Variants in CDKAL1 observed in about 807,000 individuals in gnomAD.
CDKAL1 encodes the protein threonylcarbamoyladenosine tRNA methylthiotransferase.
Under a neutral mutation model 68.2 loss-of-function variants are expected in CDKAL1, and 32 were observed. The observed-to-expected ratio is 0.47, with a 90% CI of 0.35 to 0.63. The LOEUF (loss-of-function observed/expected upper bound fraction) is 0.63. Ranked by LOEUF, CDKAL1 falls within the 30% of genes least tolerant of loss-of-function variation. The pLI is 0.00. For missense variants in CDKAL1, 606 were observed against 696.7 expected, an observed-to-expected ratio of 0.87 and a Z score of 1.47; for synonymous variants, 234 against 244.3, an observed-to-expected ratio of 0.96 and a Z score of 0.39.
chr6:20,995,268 A>G (rs1767040758), intron 10 of CDKAL1, among the ~76,000 whole-genome samples: 1 of 152,176 alleles, frequency 6.6e-6, no homozygotes, highest in African/African-American at 2.4e-5. Context: ...TTATATTGAT[A>G]TTTTGTTCTC....
chr6:20,719,657 TAAA>T (rs539665768), intron 5 of CDKAL1, among the ~76,000 whole-genome samples: 1 of 152,260 alleles, frequency 6.6e-6, no homozygotes, highest in East Asian at 1.9e-4. Flanking sequence ...TAAAATACAA[TAAA>T]AAATTTAAAA....
chr6:20,988,615 G>T (rs1206690875), intron 10 of CDKAL1, among the ~76,000 whole-genome samples: 2 of 151,922 alleles, frequency 1.3e-5, no homozygotes, highest in African/African-American at 4.8e-5. Context: ...GGGGAAAAGA[G>T]ACTGAGAGAA....
rs58019786 is a variant in CDKAL1, at chr6:20,754,014, C to T, written c.469-4581C>T. On this transcript the variant is annotated intron_variant, in intron 6 of 15. Transcript: ENST00000274695. Reference sequence around the variant, plus strand: ...GTATTTTAAGAGACAGGGTCTCACTCTGTCACCTACGCTGGAGTCCAGTGG... The same window carrying T: ...GTATTTTAAGAGACAGGGTCTCACTTTGTCACCTACGCTGGAGTCCAGTGG... 8.4e-3 allele frequency among the ~76,000 whole-genome samples: 1,272 copies of T among 151,514 alleles called. 14 individuals carry two copies. Among genetic ancestry groups the T allele is most frequent in the African/African-American group, 0.028 (1,166 of 41,388 alleles).
intron 8 of CDKAL1, among the ~76,000 whole-genome samples, chr6:20,787,802 A>G (rs943661652): frequency 6.6e-6 from 1 of 152,182 alleles, no homozygotes; most frequent in Non-Finnish European, 1.5e-5. Context: ...GTACACAAAT[A>G]GAGACTTTTA....
rs948859624 is a variant in CDKAL1 at position 21,202,133 on chromosome 6, G to A, written c.1548+859G>A. ...ACCGCTTCACTCTGGCAATAGTACC[G>A]CTTCACTCTGGCAATAGCAACAAAG... On this transcript the variant is annotated intron_variant, in intron 15 of 15. Coordinates refer to ENST00000274695, the MANE Select transcript of CDKAL1 (RefSeq NM_017774.3). 1.6e-4 allele frequency among the ~76,000 whole-genome samples: 25 copies of A among 152,082 alleles called. 1 individual carries two copies. The highest frequency in any genetic ancestry group is 6.2e-4 in the South Asian group (3 of 4,826).
At chr6:20,889,450 C>T (rs1352995742) in intron 9 of CDKAL1, among the ~76,000 whole-genome samples, 1 of 151,982 alleles carries the variant, frequency 6.6e-6, no homozygotes, top group Non-Finnish European at 1.5e-5. Context: ...CTTGCCCATG[C>T]CTATGTCCTG....
intron 5 of CDKAL1, among the ~76,000 whole-genome samples, chr6:20,666,133 G>C (rs1169125157): frequency 6.6e-6 from 1 of 151,982 alleles, no homozygotes; most frequent in Non-Finnish European, 1.5e-5. Flanking sequence ...CTTACATTAG[G>C]CAACATAATT....
chr6:20,630,166 G>A (rs13190734), intron 4 of CDKAL1, among the ~76,000 whole-genome samples: 22,262 of 152,098 alleles, frequency 0.15, 1,788 homozygotes, highest in Non-Finnish European at 0.18. Flanking sequence ...ACCACGCCAC[G>A]TCCCTGCTCA....
intron 4 of CDKAL1, among the ~76,000 whole-genome samples, chr6:20,636,709 A>C (rs185479931): frequency 1.7e-3 from 258 of 152,254 alleles, no homozygotes; most frequent in Non-Finnish European, 2.9e-3. Context: ...ATAAAGTAGA[A>C]AGGCCAGGGA....
At chr6:20,720,980 A>G (rs774622083) in intron 5 of CDKAL1, among the ~76,000 whole-genome samples, 1 of 152,020 alleles carries the variant, frequency 6.6e-6, no homozygotes, top group Non-Finnish European at 1.5e-5. Flanking sequence ...TTTTTATTAT[A>G]CTTTAAGTTC....
intron 10 of CDKAL1, among the ~76,000 whole-genome samples, chr6:20,974,401 G>C (rs1765741656): frequency 6.6e-6 from 1 of 152,164 alleles, no homozygotes. Flanking sequence ...TATTACTGAA[G>C]AAGAGAGAAG....
intron 5 of CDKAL1, among the ~76,000 whole-genome samples, chr6:20,699,877 AG>A (rs1771264093): frequency 6.6e-6 from 1 of 152,176 alleles, no homozygotes; most frequent in South Asian, 2.1e-4. Flanking sequence ...TTTAACAGAT[AG>A]CCTCCCAAAT....
At chr6:20,628,137 A>G (rs540784843) in intron 4 of CDKAL1, among the ~76,000 whole-genome samples, 1 of 152,196 alleles carries the variant, frequency 6.6e-6, no homozygotes, top group African/African-American at 2.4e-5. Context: ...TATGTTGAGT[A>G]TGAGTGGTGA....
chr6:20,850,724 A>T (rs1325784125), intron 9 of CDKAL1, among the ~76,000 whole-genome samples: 1 of 152,090 alleles, frequency 6.6e-6, no homozygotes, highest in Non-Finnish European at 1.5e-5. Flanking sequence ...AGGTGTGATT[A>T]TGAGACATTT....
Position 20,616,839 on chromosome 6 carries a change from C to CCACACACACACACACACA in CDKAL1, c.287-32428_287-32411dup, listed in dbSNP as rs756883799. On this transcript the variant is annotated intron_variant, in intron 4 of 15. Coordinates refer to ENST00000274695, the MANE Select transcript of CDKAL1 (RefSeq NM_017774.3). ...ACAGCATGGCGAAACCCCGACTCTA[C>CCACACACACACACACACA]CACACACACACACACACACACACAC... Among the ~76,000 whole-genome samples the CCACACACACACACACACA allele has an allele frequency of 4.8e-3, 583 of 121,380 alleles. 3 individuals carry two copies. The highest frequency in any genetic ancestry group is 7.0e-3 in the African/African-American group (220 of 31,262). 79.6% of individuals were successfully genotyped at this position (121,380 alleles called of 152,430 possible). A position where few individuals can be genotyped will look rare whatever the true frequency, so the allele number is the denominator to read the frequency against.
At chr6:20,885,398 A>G (rs1761020916) in intron 9 of CDKAL1, among the ~76,000 whole-genome samples, 1 of 152,206 alleles carries the variant, frequency 6.6e-6, no homozygotes, top group Non-Finnish European at 1.5e-5. Context: ...TGACCAGGGA[A>G]CCACATTTAT....
Position 20,846,183 on chromosome 6 carries a change from G to T in CDKAL1, c.742+5G>T. Reference sequence around the variant, plus strand: ...GAGCCAAACAATCTTTTCAAGGTAAGAGTTTCTAGAATTATATGTGAAATT... The same window carrying T: ...GAGCCAAACAATCTTTTCAAGGTAATAGTTTCTAGAATTATATGTGAAATT... On this transcript the variant is annotated splice_donor_5th_base_variant and intron_variant, in intron 9 of 15. Coordinates refer to ENST00000274695, the MANE Select transcript of CDKAL1 (RefSeq NM_017774.3). 1 of 1,531,442 alleles carries T rather than the reference G, an allele frequency of 6.5e-7. No individual in the cohort carries two copies. The highest frequency in any genetic ancestry group is 1.7e-4 in the Middle Eastern group (1 of 5,908). 94.9% of individuals were successfully genotyped at this position (1,531,442 alleles called of 1,614,324 possible).
At chr6:21,138,871 G>A (rs1368673272) in intron 13 of CDKAL1, among the ~76,000 whole-genome samples, 6 of 152,190 alleles carry the variant, frequency 3.9e-5, no homozygotes, top group African/African-American at 1.4e-4. Context: ...GTAAAGTCCA[G>A]TTTGTCTCCT....
At chr6:21,222,919 T>A (rs1378152047) in intron 15 of CDKAL1, among the ~76,000 whole-genome samples, 1 of 152,104 alleles carries the variant, frequency 6.6e-6, no homozygotes, top group African/African-American at 2.4e-5. Context: ...CGTGTTCTCA[T>A]GTGAGCGCAT....
Sources: allele counts gnomAD v4.1 joint callset (sites outside exome capture counted in the v4.1 genomes callset), GRCh38; gene constraint gnomAD v4.1.1; transcripts MANE v1.5; gene names NCBI Gene and HGNC (gene_info 2026-07-23, HGNC 2026-07-21).